PARM1: variants seen among roughly 807,000 people sequenced by gnomAD.
PARM1 encodes the protein WSC4, cell wall integrity and stress response component 4 homolog.
A neutral mutation model predicts 24.6 loss-of-function variants in PARM1; 14 were observed. The ratio of observed to expected loss-of-function variants is 0.57; its 90% CI spans 0.38 to 0.89. The LOEUF (loss-of-function observed/expected upper bound fraction) is 0.89. Among genes scored for constraint, PARM1 ranks in the 40% least tolerant of loss-of-function variants. The pLI, the probability that PARM1 is intolerant of heterozygous loss-of-function variation, is 0.00. For missense variants in PARM1, 362 were observed against 380.4 expected (o/e 0.95, Z 0.40); for synonymous variants, 179 against 156.6 (o/e 1.14, Z -1.07).
chr4:75,046,227 C>T lies in PARM1; in HGVS notation c.913C>T (p.Pro305Ser), dbSNP rs1223540016. ...DYGSWGNYNNPLYDDS is the reference protein window; with the variant it reads ...DYGSWGNYNNSLYDDS ...CGGGTCCTGGGGAAACTACAACAAC[C>T]CTCTGTACGATGACTCCTAACAATG... Residue 305 changes from proline to serine, a missense_variant, in exon 4 of 4, where the codon CCT (proline) becomes TCT (serine). By Grantham distance (74) the Pro-to-Ser change is moderately conservative. Transcript: ENST00000307428. The T allele has an allele frequency of 6.2e-7, 1 of 1,610,332 alleles. No homozygotes were observed.
intron 1 of PARM1, among the ~76,000 whole-genome samples, chr4:75,000,778 G>A (rs532613731): frequency 5.3e-5 from 8 of 152,186 alleles, no homozygotes; most frequent in Non-Finnish European, 1.2e-4. Flanking sequence ...GCCTTAGATG[G>A]ATTATTTATT....
chr4:75,001,281 A>G (rs1424953286), intron 1 of PARM1, among the ~76,000 whole-genome samples: 1 of 152,260 alleles, frequency 6.6e-6, no homozygotes, highest in Non-Finnish European at 1.5e-5. Flanking sequence ...ACAACCAAGT[A>G]CAATTTATAA....
At chr4:74,967,687 A>G (rs749887578) in intron 1 of PARM1, 7 of 152,224 alleles carry the variant, frequency 4.6e-5, no homozygotes, top group Non-Finnish European at 8.8e-5. Flanking sequence ...CTGAAAAGAC[A>G]TGAAAGAAGG....
At position 75,013,015 on chromosome 4, in the gene PARM1, G is replaced by A. The variant is rs1202364274; in HGVS notation, c.634G>A (p.Ala212Thr). Residue 212 changes from alanine (A) to threonine (T), a missense_variant, in exon 2 of 4, where the codon GCT (alanine) becomes ACT (threonine). Coordinates refer to ENST00000307428, the MANE Select transcript of PARM1 (RefSeq NM_015393.4). ...CCACACACCCACTTCACATGCCACA[G>A]CTGAGCCAGTACCCCAGGAGAAAAC... ...SDHTPTSHAT[A>T]EPVPQEKTPP... The A allele has an allele frequency of 1.2e-6, 2 of 1,613,998 alleles. No individual in the cohort carries two copies. Among genetic ancestry groups the A allele is most frequent in the Non-Finnish European group, 8.5e-7 (1 of 1,179,892 alleles).
At chr4:75,045,135 G>A (rs1723575934) in intron 3 of PARM1, among the ~76,000 whole-genome samples, 1 of 152,234 alleles carries the variant, frequency 6.6e-6, no homozygotes, top group South Asian at 2.1e-4. Context: ...AATGAGCTGT[G>A]TGGAGACCTG....
chr4:75,025,311 C>T (rs1409124423), intron 2 of PARM1, among the ~76,000 whole-genome samples: 1 of 152,182 alleles, frequency 6.6e-6, no homozygotes, highest in African/African-American at 2.4e-5. Context: ...ATCCCAGACA[C>T]TTAGCTGGAG....
intron 1 of PARM1, among the ~76,000 whole-genome samples, chr4:74,979,336 T>C (rs1722202213): frequency 6.6e-6 from 1 of 152,104 alleles, no homozygotes; most frequent in Non-Finnish European, 1.5e-5. Context: ...TAAACACCTC[T>C]ATGCAAACAA....
In PARM1 at chr4:74,949,835, CTT is replaced by C. The variant is rs746995341; in HGVS notation, c.43+16480_43+16481del. 2.5e-3 allele frequency among the ~76,000 whole-genome samples: 334 copies of C among 135,744 alleles called. 3 individuals are homozygous for C. The highest frequency in any genetic ancestry group is 7.9e-3 in the African/African-American group (296 of 37,576). 89.1% of individuals were successfully genotyped at this position (135,744 alleles called of 152,430 possible). ...ACTTCCCTATGGCTGGCCTCTTACT[CTT>C]TTTTTTTTTTTTTTCAACATAATCT... On this transcript the variant is annotated intron_variant, in intron 1 of 3. Coordinates refer to ENST00000307428, the MANE Select transcript of PARM1 (RefSeq NM_015393.4).
At chr4:74,978,791 C>G (rs536183663) in intron 1 of PARM1, among the ~76,000 whole-genome samples, 123 of 152,232 alleles carry the variant, frequency 8.1e-4, no homozygotes, top group African/African-American at 2.9e-3. Context: ...AATTAGAACT[C>G]AAGATTAAGA....
intron 1 of PARM1, among the ~76,000 whole-genome samples, chr4:74,939,057 G>A (rs1721249779): frequency 1.3e-5 from 2 of 152,154 alleles, no homozygotes; most frequent in Admixed American, 1.3e-4. Flanking sequence ...GACTTACTTA[G>A]ACCAAATCTT....
intron 1 of PARM1, among the ~76,000 whole-genome samples, chr4:74,993,629 G>A (rs537531681): frequency 6.6e-6 from 1 of 152,248 alleles, no homozygotes; most frequent in South Asian, 2.1e-4. Context: ...GTCTTTAAAA[G>A]ATAATTGAGT....
At chr4:74,943,692 C>T (rs1721356287) in intron 1 of PARM1, among the ~76,000 whole-genome samples, 1 of 152,148 alleles carries the variant, frequency 6.6e-6, no homozygotes, top group Non-Finnish European at 1.5e-5. Context: ...AAAATGTCAC[C>T]TTTGAGCTCA....
chr4:75,021,044 A>G (rs982570892), intron 2 of PARM1, among the ~76,000 whole-genome samples: 1 of 152,152 alleles, frequency 6.6e-6, no homozygotes, highest in African/African-American at 2.4e-5. Context: ...GTCCTTGTCT[A>G]TTTTGGCTCA....
chr4:74,945,843 TAATC>T (rs1348019234), intron 1 of PARM1, among the ~76,000 whole-genome samples: 2 of 152,200 alleles, frequency 1.3e-5, no homozygotes, highest in African/African-American at 4.8e-5. Context: ...TTCAACAAAA[TAATC>T]AATAAAATGT....
chr4:75,033,991 G>A (rs751065132), intron 3 of PARM1, 30 bp downstream of exon 3: 11 of 1,549,300 alleles, frequency 7.1e-6, no homozygotes, highest in Non-Finnish European at 9.7e-6. Flanking sequence ...TAAAAAAAAG[G>A]GATTCTGTTT....
intron 1 of PARM1, among the ~76,000 whole-genome samples, chr4:74,974,325 C>T (rs1296346384): frequency 1.3e-5 from 2 of 152,212 alleles, no homozygotes; most frequent in Admixed American, 6.5e-5. Flanking sequence ...CAAGTTGACA[C>T]AAAGAATTAA....
intron 1 of PARM1, among the ~76,000 whole-genome samples, chr4:74,973,832 A>G (rs1487376516): frequency 6.6e-6 from 1 of 152,058 alleles, no homozygotes; most frequent in Non-Finnish European, 1.5e-5. Flanking sequence ...TAGAGAATCA[A>G]ATAATAAAAT....
rs148654443 is a variant in PARM1, at chr4:75,029,840, A to C, written c.770-4043A>C. On this transcript the variant is annotated intron_variant, in intron 2 of 3. Transcript: ENST00000307428. ...TTCCAAGGTGAATAGGTGGTGAGTC[A>C]GCTGTGTGGAAACTTTTTTAGGACA... is the stretch of plus-strand genomic sequence containing the variant. 5.1e-3 allele frequency among the ~76,000 whole-genome samples: 773 copies of C among 152,176 alleles called. 11 individuals are homozygous for C. Among genetic ancestry groups the C allele is most frequent in the African/African-American group, 0.018 (742 of 41,484 alleles).
chr4:74,940,649 G>A (rs866006969), intron 1 of PARM1, among the ~76,000 whole-genome samples: 29 of 152,088 alleles, frequency 1.9e-4, no homozygotes, highest in African/African-American at 6.0e-4. Flanking sequence ...TGAAACCATA[G>A]CACAATCCCA....
Sources: allele counts gnomAD v4.1 joint callset (sites outside exome capture counted in the v4.1 genomes callset), GRCh38; gene constraint gnomAD v4.1.1; transcripts MANE v1.5; gene names NCBI Gene and HGNC (gene_info 2026-07-23, HGNC 2026-07-21).